RBMS1: variants seen among roughly 807,000 people sequenced by gnomAD.
RBMS1 encodes the protein RNA binding motif single stranded interacting protein 1, also known as RNA-binding motif, single-stranded-interacting protein 1.
Under a neutral mutation model 62.3 loss-of-function variants are expected in RBMS1, and 17 were observed. The observed-to-expected ratio is 0.27, with a 90% CI of 0.19 to 0.41. RBMS1 has a LOEUF of 0.41. RBMS1 is among the 10% of genes least tolerant of loss of function. The pLI is 1.00. For synonymous variants in RBMS1, 172 were observed against 170.0 expected (o/e 1.01, Z -0.09); for missense variants, 334 against 504.5 (o/e 0.66, Z 3.24).
At position 160,369,788 on chromosome 2, in the gene RBMS1, C is replaced by T. The variant is rs1459520814; in HGVS notation, c.76-2397G>A. ...AGACTGCATTCCAAGACTGCATTCA[C>T]TTGAACCTTTGATTTTGCCAGGAGT... On this transcript the variant is annotated intron_variant, in intron 1 of 13. Transcript: ENST00000348849. Among the ~76,000 whole-genome samples the T allele has an allele frequency of 6.6e-5, 10 of 152,256 alleles. No homozygotes were observed. The Middle Eastern group carries it at 0.014, about 207-fold the overall frequency.
chr2:160,432,453 T>C (rs1682938910), intron 1 of RBMS1: 1 of 152,200 alleles, frequency 6.6e-6, no homozygotes, highest in South Asian at 2.1e-4. Flanking sequence ...TCCTTTTCAC[T>C]TGGTATTCCC....
intron 1 of RBMS1, among the ~76,000 whole-genome samples, chr2:160,410,962 T>G (rs2105253269): frequency 6.6e-6 from 1 of 152,314 alleles, no homozygotes; most frequent in Non-Finnish European, 1.5e-5. Context: ...CAGGATGGTC[T>G]CGATCTCTTG....
At chr2:160,328,657 C>A (rs1252704570) in intron 2 of RBMS1, among the ~76,000 whole-genome samples, 3 of 152,030 alleles carry the variant, frequency 2.0e-5, no homozygotes, top group Non-Finnish European at 4.4e-5. Context: ...TTAGCACCCT[C>A]CCCCCGCCCC....
chr2:160,418,065 C>T (rs1696275179), intron 1 of RBMS1, among the ~76,000 whole-genome samples: 2 of 152,172 alleles, frequency 1.3e-5, no homozygotes, highest in Non-Finnish European at 2.9e-5. Flanking sequence ...TTTTTCAGTG[C>T]ATTTATATAA....
chr2:160,379,278 C>A (rs1694160756), intron 1 of RBMS1, among the ~76,000 whole-genome samples: 1 of 151,888 alleles, frequency 6.6e-6, no homozygotes, highest in Non-Finnish European at 1.5e-5. Flanking sequence ...CCATTATACT[C>A]TGAAGGGCTG....
At chr2:160,337,400 C>T (rs962010570) in intron 2 of RBMS1, among the ~76,000 whole-genome samples, 1 of 152,138 alleles carries the variant, frequency 6.6e-6, no homozygotes, top group Non-Finnish European at 1.5e-5. Flanking sequence ...TCCCAAAGTG[C>T]TGGGATTACA....
chr2:160,367,907 G>A (rs894904921), intron 1 of RBMS1, among the ~76,000 whole-genome samples: 2 of 152,128 alleles, frequency 1.3e-5, no homozygotes, highest in African/African-American at 4.8e-5. Flanking sequence ...ACAGGCACAC[G>A]ACTTCATTGA....
At chr2:160,312,333 A>G (rs1299619921) in intron 4 of RBMS1, among the ~76,000 whole-genome samples, 19 of 152,194 alleles carry the variant, frequency 1.2e-4, no homozygotes, top group Admixed American at 1.2e-3. Context: ...GTGATATTCT[A>G]AGTCAAAACC....
intron 1 of RBMS1, among the ~76,000 whole-genome samples, chr2:160,445,021 C>T (rs1683584633): frequency 6.6e-6 from 1 of 152,166 alleles, no homozygotes; most frequent in African/African-American, 2.4e-5. Flanking sequence ...CTAATCAATC[C>T]ACTCTGGAAA....
chr2:160,447,319 C>T (rs1489563271), intron 1 of RBMS1, among the ~76,000 whole-genome samples: 1 of 152,122 alleles, frequency 6.6e-6, no homozygotes. Flanking sequence ...TCCTTCTGCC[C>T]ACATTCCACT....
At chr2:160,356,356 T>G (rs557898403) in intron 2 of RBMS1, among the ~76,000 whole-genome samples, 6 of 152,306 alleles carry the variant, frequency 3.9e-5, no homozygotes, top group African/African-American at 1.4e-4. Context: ...GTGCTTTTTC[T>G]AATAAAATCT....
intron 1 of RBMS1, among the ~76,000 whole-genome samples, chr2:160,457,854 C>G (rs1304914124): frequency 6.6e-6 from 1 of 152,018 alleles, no homozygotes; most frequent in Non-Finnish European, 1.5e-5. Context: ...CAGCTCACTA[C>G]TTTTGAGGCA....
chr2:160,418,423 TA>T (rs1696289605), intron 1 of RBMS1, among the ~76,000 whole-genome samples: 1 of 152,106 alleles, frequency 6.6e-6, no homozygotes, highest in Non-Finnish European at 1.5e-5. Context: ...GTAAATCAGA[TA>T]AAAAGACATA....
intron 2 of RBMS1, among the ~76,000 whole-genome samples, chr2:160,344,596 A>AT (rs1279450940): frequency 6.6e-6 from 1 of 152,164 alleles, no homozygotes; most frequent in Non-Finnish European, 1.5e-5. Context: ...AGGAGGTCAA[A>AT]TTTTAATTTT....
chr2:160,275,341 C>T (rs891486953), intron 13 of RBMS1: 2 of 231,824 alleles, frequency 8.6e-6, no homozygotes, highest in African/African-American at 2.3e-5. Context: ...TATTATAGAA[C>T]AATTTTGGTT....
chr2:160,436,535 T>C (rs1296911705), intron 1 of RBMS1, among the ~76,000 whole-genome samples: 2 of 152,246 alleles, frequency 1.3e-5, no homozygotes, highest in African/African-American at 4.8e-5. Context: ...AAATCATTAC[T>C]TTTTTAAGCC....
At chr2:160,381,359 A>G (rs927593862) in intron 1 of RBMS1, among the ~76,000 whole-genome samples, 4 of 152,216 alleles carry the variant, frequency 2.6e-5, no homozygotes, top group Admixed American at 6.5e-5. Flanking sequence ...AAAATAGTTT[A>G]ATAAGCAAAA....
chr2:160,338,240 G>T (rs1304082465), intron 2 of RBMS1, among the ~76,000 whole-genome samples: 4 of 152,064 alleles, frequency 2.6e-5, no homozygotes, highest in African/African-American at 4.8e-5. Context: ...AAAATTTAAA[G>T]CCTAGGGCAG....
intron 2 of RBMS1, among the ~76,000 whole-genome samples, chr2:160,320,737 G>A (rs1015691541): frequency 2.0e-5 from 3 of 152,088 alleles, no homozygotes; most frequent in Admixed American, 6.5e-5. Flanking sequence ...AGCAGCAAGC[G>A]CTGATGCTGT....
Sources: allele counts gnomAD v4.1 joint callset (sites outside exome capture counted in the v4.1 genomes callset), GRCh38; gene constraint gnomAD v4.1.1; transcripts MANE v1.5; gene names NCBI Gene and HGNC (gene_info 2026-07-23, HGNC 2026-07-21).